Variants in MYLK observed in about 807,000 individuals in gnomAD.
MYLK encodes the protein myosin light chain kinase, smooth muscle.
MYLK carries 106 observed loss-of-function variants against 203.4 expected under a neutral mutation model. The observed-to-expected ratio is 0.52, with a 90% CI of 0.45 to 0.61. The LOEUF (loss-of-function observed/expected upper bound fraction) is 0.61, where lower values mean the gene tolerates loss of function less well. Ranked by LOEUF, MYLK falls within the 20% of genes least tolerant of loss-of-function variation. MYLK has a pLI of 0.00. For missense variants in MYLK, 2,072 were observed against 2,442.3 expected (o/e 0.85, Z 3.20); for synonymous variants, 867 against 959.5 (o/e 0.90, Z 1.78).
chr3:123,873,391 A>G (rs1286891508), intron 2 of MYLK, among the ~76,000 whole-genome samples: 3 of 152,176 alleles, frequency 2.0e-5, no homozygotes, highest in East Asian at 3.8e-4. Context: ...AAACAAGGCA[A>G]TGATGTCTGT....
chr3:123,730,250 C>G (rs1028036469), intron 11 of MYLK, among the ~76,000 whole-genome samples: 2 of 152,086 alleles, frequency 1.3e-5, no homozygotes, highest in Non-Finnish European at 1.5e-5. Context: ...AGAAACCAAG[C>G]AAGCAAGCAA....
At chr3:123,810,707 T>C (rs138851714) in intron 3 of MYLK, among the ~76,000 whole-genome samples, 4 of 152,322 alleles carry the variant, frequency 2.6e-5, no homozygotes, top group African/African-American at 9.6e-5. Flanking sequence ...GCAATGCCTG[T>C]GGCAGGACTG....
At chr3:123,744,813 A>AC in intron 5 of MYLK, among the ~76,000 whole-genome samples, 1 of 152,316 alleles carries the variant, frequency 6.6e-6, no homozygotes, top group South Asian at 2.1e-4. Context: ...ACTGTTCCCC[A>AC]AAGTTTTAAA....
chr3:123,619,799 G>A (rs1334824637), intron 32 of MYLK, among the ~76,000 whole-genome samples: 1 of 152,124 alleles, frequency 6.6e-6, no homozygotes, highest in African/African-American at 2.4e-5. Context: ...CACAAAGATG[G>A]TAGAAAATAG....
At chr3:123,719,525 G>A (rs4048451) in intron 13 of MYLK, among the ~76,000 whole-genome samples, 2 of 152,364 alleles carry the variant, frequency 1.3e-5, no homozygotes, top group East Asian at 1.9e-4. Context: ...TATGGAGGGT[G>A]TGTGCTATCC....
Position 123,657,288 on chromosome 3 carries a change from T to C in MYLK, c.4126A>G (p.Lys1376Glu). The change falls in exon 24 of 34, where the codon AAG becomes GAG. Residue 1376 changes from lysine to glutamate, a missense_variant. This residue lies in a region of MYLK where 524 missense variants were observed against 782.4 expected (regional missense o/e 0.67). Coordinates refer to ENST00000360304, the MANE Select transcript of MYLK (RefSeq NM_053025.4). ...CATGTGGCTAGTTCCTTCCACGTCT[T>C]GTTGGCTGAGTCCCAGATCTCGATG... ...YSIEIWDSAN[K>E]TWKELATCRS... 3 of 1,614,142 alleles carry C rather than the reference T, an allele frequency of 1.9e-6. No individual in the cohort carries two copies. The highest frequency in any genetic ancestry group is 1.1e-5 in the South Asian group (1 of 91,072).
intron 31 of MYLK, among the ~76,000 whole-genome samples, chr3:123,625,472 A>C (rs970506590): frequency 7.5e-6 from 1 of 134,212 alleles, no homozygotes; most frequent in Non-Finnish European, 1.7e-5. Context: ...TGTCTCGAGG[A>C]AAAAAAAAAA....
chr3:123,866,590 T>C (rs962577146), intron 2 of MYLK, among the ~76,000 whole-genome samples: 3 of 152,036 alleles, frequency 2.0e-5, no homozygotes, highest in African/African-American at 7.2e-5. Context: ...ACATGAAATA[T>C]CAGGATGAGG....
intron 11 of MYLK, among the ~76,000 whole-genome samples, chr3:123,732,204 A>G (rs536363501): frequency 6.6e-6 from 1 of 152,344 alleles, no homozygotes; most frequent in East Asian, 1.9e-4. Flanking sequence ...AAGAATATTT[A>G]TCATAGGTAT....
chr3:123,703,885 A>G (rs2061347817), intron 16 of MYLK, among the ~76,000 whole-genome samples: 2 of 152,252 alleles, frequency 1.3e-5, no homozygotes, highest in South Asian at 4.1e-4. Flanking sequence ...GCCCAGATGC[A>G]AACATCAGGA....
Position 123,663,388 on chromosome 3 carries a change from A to C in MYLK, c.3985+717T>G, listed in dbSNP as rs150796212. ...GTGACCTCAGAAGAACAGTCCCTGC[A>C]GACTAATGGGGCGTGGGGGTGAGGC... is the stretch of plus-strand genomic sequence containing the variant. On this transcript the variant is annotated intron_variant, in intron 23 of 33. Coordinates refer to ENST00000360304, the MANE Select transcript of MYLK (RefSeq NM_053025.4). Among the ~76,000 whole-genome samples the C allele has an allele frequency of 1.2e-4, 19 of 152,052 alleles. No individual in the cohort carries two copies. In the East Asian group the frequency reaches 3.7e-3, roughly 29 times the overall value.
chr3:123,874,195 T>C (rs1158808621), intron 2 of MYLK, among the ~76,000 whole-genome samples: 6 of 152,146 alleles, frequency 3.9e-5, no homozygotes, highest in Admixed American at 3.3e-4. Flanking sequence ...GCCAAAACTA[T>C]TTTGAAAAGA....
intron 11 of MYLK, 32 bp downstream of exon 11, chr3:123,732,864 G>A: frequency 1.3e-6 from 2 of 1,599,026 alleles, no homozygotes; most frequent in Non-Finnish European, 1.7e-6. Context: ...GTCCCACAGA[G>A]AATGCGGGGT....
intron 2 of MYLK, among the ~76,000 whole-genome samples, chr3:123,848,650 T>C (rs1401999113): frequency 2.0e-5 from 3 of 152,310 alleles, no homozygotes; most frequent in African/African-American, 7.2e-5. Context: ...GCCAACTCAC[T>C]TGGCACATGC....
At chr3:123,802,591 A>AAC (rs1034404926) in intron 3 of MYLK, among the ~76,000 whole-genome samples, 2 of 152,158 alleles carry the variant, frequency 1.3e-5, no homozygotes, top group Non-Finnish European at 2.9e-5. Context: ...CGACAACAAC[A>AAC]ACACACACAC....
intron 1 of MYLK, among the ~76,000 whole-genome samples, chr3:123,879,815 T>C (rs2682226): frequency 0.89 from 135,779 of 152,108 alleles, 60,891 homozygotes; most frequent in East Asian, 1. Context: ...CCACCACACC[T>C]GGCTAATTTT....
intron 3 of MYLK, among the ~76,000 whole-genome samples, chr3:123,826,411 C>T (rs2066120059): frequency 6.6e-6 from 1 of 152,230 alleles, no homozygotes; most frequent in African/African-American, 2.4e-5. Flanking sequence ...GCCCCATGGG[C>T]CATCCCCAGC....
intron 4 of MYLK, among the ~76,000 whole-genome samples, chr3:123,781,036 G>T (rs1475539703): frequency 1.3e-5 from 2 of 152,152 alleles, no homozygotes. Context: ...ACAGATTAGG[G>T]GTCCGGGCTC....
intron 19 of MYLK, among the ~76,000 whole-genome samples, chr3:123,688,602 C>A (rs948312103): frequency 1.1e-4 from 17 of 152,096 alleles, no homozygotes; most frequent in Non-Finnish European, 2.5e-4. Flanking sequence ...AGAATAAAAT[C>A]TCATTTTTTT....
Sources: gnomAD v4.1 joint callset for allele counts (sites outside exome capture counted in the v4.1 genomes callset) on GRCh38, gnomAD v4.1.1 for gene constraint, gnomAD v4.1.1 regional missense constraint, MANE v1.5 for transcripts, NCBI Gene and HGNC (gene_info 2026-07-23, HGNC 2026-07-21) for gene names.